RTL9: variants seen among roughly 807,000 people sequenced by gnomAD.
RTL9 encodes retrotransposon Gag-like protein 9.
RTL9 carries 19 observed loss-of-function variants against 44.7 expected under a neutral mutation model. The observed-to-expected ratio is 0.42, with a 90% CI of 0.30 to 0.62. The LOEUF is 0.62. RTL9 is among the 20% of genes least tolerant of loss of function. The pLI, the probability that RTL9 is intolerant of heterozygous loss-of-function variation, is 0.16. For missense variants in RTL9, 1,105 were observed against 1,080.6 expected (o/e 1.02, Z -0.32); for synonymous variants, 407 against 398.9 (o/e 1.02, Z -0.24).
chrX:110,388,219 A>ATGTTTTT (rs2068471376), intron 1 of RTL9, among the ~76,000 whole-genome samples: 2 of 111,681 alleles, frequency 1.8e-5, no homozygotes, highest in Non-Finnish European at 3.8e-5. Context: ...AAAGGGGCCC[A>ATGTTTTT]CATCAAGTTT....
At chrX:110,371,163 C>T (rs981459498) in intron 1 of RTL9, among the ~76,000 whole-genome samples, 3 of 110,575 alleles carry the variant, frequency 2.7e-5, no homozygotes, top group Non-Finnish European at 1.9e-5. Flanking sequence ...ACAGAGAGTT[C>T]CCGTTAGCCC....
chrX:110,388,786 T>C (rs1008474609), intron 1 of RTL9, among the ~76,000 whole-genome samples: 1 of 111,702 alleles, frequency 9.0e-6, no homozygotes, highest in Non-Finnish European at 1.9e-5. Context: ...TAAGAACCAT[T>C]GCTCTGCCAA....
intron 1 of RTL9, among the ~76,000 whole-genome samples, chrX:110,434,413 A>T (rs1039980490): frequency 1.8e-5 from 2 of 111,446 alleles, no homozygotes; most frequent in African/African-American, 6.5e-5. Flanking sequence ...CAATTGGGAG[A>T]CCATCTCCAG....
exon 1 of RTL9, chrX:110,454,480 G>A (rs143741378): frequency 9.9e-6 from 12 of 1,210,348 alleles, no homozygotes; most frequent in Admixed American, 4.4e-5. Flanking sequence ...AAAATGGGTC[G>A]GATCTTCCTG....
intron 1 of RTL9, among the ~76,000 whole-genome samples, chrX:110,397,977 C>T (rs1456166355): frequency 1.8e-5 from 2 of 112,324 alleles, no homozygotes; most frequent in Admixed American, 9.4e-5. Flanking sequence ...AGCACGAACC[C>T]GCTTCCTTGA....
chrX:110,416,594 A>T (rs189403026), upstream of RTL9, among the ~76,000 whole-genome samples: 28 of 111,891 alleles, frequency 2.5e-4, no homozygotes, highest in Non-Finnish European at 4.9e-4. Flanking sequence ...TGTGCTGGTT[A>T]GCATGCTACC....
intron 1 of RTL9, among the ~76,000 whole-genome samples, chrX:110,378,408 G>C (rs775778838): frequency 8.1e-5 from 9 of 111,392 alleles, no homozygotes; most frequent in African/African-American, 2.9e-4. Context: ...CATATCCAAA[G>C]TATCCTAAAC....
At chrX:110,433,015 G>T (rs1004788124) in intron 1 of RTL9, among the ~76,000 whole-genome samples, 1 of 112,630 alleles carries the variant, frequency 8.9e-6, no homozygotes, top group Non-Finnish European at 1.9e-5. Flanking sequence ...TCGACCTCCT[G>T]GCCTGGTGGC....
At chrX:110,436,177 A>T in intron 1 of RTL9, among the ~76,000 whole-genome samples, 1 of 112,233 alleles carries the variant, frequency 8.9e-6, no homozygotes, top group Non-Finnish European at 1.9e-5. Flanking sequence ...TTTGTGAAGT[A>T]TCTTTAGAGC....
At chrX:110,452,089 C>T (rs1330740068) in exon 1 of RTL9, 3 of 1,210,310 alleles carry the variant, frequency 2.5e-6, no homozygotes, top group Non-Finnish European at 3.4e-6. Flanking sequence ...TACAAGAGAG[C>T]CACAGCCTCT....
chrX:110,387,901 G>A (rs1315834124), intron 1 of RTL9, among the ~76,000 whole-genome samples: 1 of 87,317 alleles, frequency 1.1e-5, no homozygotes. Context: ...TCACTCTGTC[G>A]CCCAGGCTGG....
chrX:110,455,984 G>C (rs2068978541), exon 2 of RTL9: 1 of 112,726 alleles, frequency 8.9e-6, no homozygotes, highest in Non-Finnish European at 1.9e-5. Context: ...AACACAACTT[G>C]TTCTTGTGTT....
chrX:110,413,382 C>T (rs2068654794), intron 1 of RTL9, among the ~76,000 whole-genome samples: 1 of 111,148 alleles, frequency 9.0e-6, no homozygotes, highest in Non-Finnish European at 1.9e-5. Context: ...GAGGTGGGGT[C>T]TGTGCTCTAG....
At chrX:110,391,554 T>C (rs1252926896) in intron 1 of RTL9, among the ~76,000 whole-genome samples, 2 of 112,324 alleles carry the variant, frequency 1.8e-5, no homozygotes, top group Non-Finnish European at 3.8e-5. Flanking sequence ...CTCTGGCTTT[T>C]GCTCAGGCTA....
chrX:110,360,085 C>T (rs1482856536), intron 1 of RTL9, among the ~76,000 whole-genome samples: 2 of 111,435 alleles, frequency 1.8e-5, no homozygotes, highest in Non-Finnish European at 3.8e-5. Flanking sequence ...CTAGGAGTTT[C>T]AACAGCACTG....
chrX:110,389,084 G>A (rs2068477254), intron 1 of RTL9, among the ~76,000 whole-genome samples: 2 of 112,484 alleles, frequency 1.8e-5, no homozygotes, highest in South Asian at 7.4e-4. Context: ...AGATTAAAAA[G>A]GATCCATAGA....
chrX:110,430,231 C>G (rs188356817), intron 1 of RTL9, among the ~76,000 whole-genome samples: 1 of 112,617 alleles, frequency 8.9e-6, no homozygotes, highest in South Asian at 3.7e-4. Context: ...GGTACTTTAC[C>G]GCTTCTTTTG....
At chrX:110,399,361 C>T (rs898747700) in intron 1 of RTL9, among the ~76,000 whole-genome samples, 7 of 112,393 alleles carry the variant, frequency 6.2e-5, no homozygotes, top group African/African-American at 1.3e-4. Flanking sequence ...TTTAAACCTA[C>T]GCTGGTCTGG....
chrX:110,447,111 C>CTTTTTT (rs1181988453), upstream of RTL9, among the ~76,000 whole-genome samples: 342 of 36,752 alleles, frequency 9.3e-3, 14 homozygotes, highest in East Asian at 0.015. Flanking sequence ...TATTCTGTGA[C>CTTTTTT]TTTTTTTTTT....
Sources: gnomAD v4.1 joint callset for allele counts (sites outside exome capture counted in the v4.1 genomes callset) on GRCh38, gnomAD v4.1.1 for gene constraint, MANE v1.5 for transcripts, NCBI Gene and HGNC (gene_info 2026-07-23, HGNC 2026-07-21) for gene names.